ADAMTS13: variants seen among roughly 807,000 people sequenced by gnomAD.
ADAMTS13 encodes A disintegrin and metalloproteinase with thrombospondin motifs 13.
In ADAMTS13, 110 loss-of-function variants were observed where a neutral mutation model predicts 155.1. The ratio of observed to expected loss-of-function variants is 0.71; its 90% CI spans 0.61 to 0.83. The LOEUF (loss-of-function observed/expected upper bound fraction) is 0.83. Among genes scored for constraint, ADAMTS13 ranks in the 40% least tolerant of loss-of-function variants. The pLI, the probability that ADAMTS13 is intolerant of heterozygous loss-of-function variation, is 0.00. For missense variants in ADAMTS13, 1,707 were observed against 1,891.7 expected (o/e 0.90, Z 1.81); for synonymous variants, 758 against 756.4 (o/e 1.00, Z -0.03).
intron 11 of ADAMTS13, among the ~76,000 whole-genome samples, chr9:133,436,220 G>T (rs1376503804): frequency 6.6e-6 from 1 of 151,912 alleles, no homozygotes; most frequent in Non-Finnish European, 1.5e-5. Context: ...GGCCCTGGGT[G>T]TGGGTTTGTC....
At position 133,448,642 on chromosome 9, in the gene ADAMTS13, G is replaced by T; in HGVS notation, c.2775G>T (p.Arg925Ser). 1 of 1,609,812 alleles carries T rather than the reference G, an allele frequency of 6.2e-7. No individual in the cohort carries two copies. Among genetic ancestry groups the T allele is most frequent in the Non-Finnish European group, 8.5e-7 (1 of 1,179,980 alleles). ...TCCTGTGCATGGACTCTGCCCTCAG[G>T]GTGCCTGTCCAGGAAGAGCTGTGTG... ...LRFLCMDSAL[R>S]VPVQEELCGL... Residue 925 changes from arginine (R) to serine (S), a missense_variant, in exon 22 of 29, where the codon AGG becomes AGT. Physicochemically the swap from Arg to Ser is moderately radical, Grantham distance 110. This residue lies in a region of ADAMTS13 where 961 missense variants were observed against 1,107.9 expected (regional missense o/e 0.87). Transcript: ENST00000355699.
Position 133,425,386 on chromosome 9 carries a change from C to CT in ADAMTS13, c.331-143_331-142insT. 3 of 676,514 alleles carry CT rather than the reference C, an allele frequency of 4.4e-6. No homozygotes were observed. The South Asian group carries it at 5.4e-5, about 12-fold the overall frequency. The allele number at this position is 676,514 out of a possible 1,614,324, so 41.9% of individuals were successfully genotyped here. On this transcript the variant is annotated intron_variant, in intron 3 of 28. Transcript: ENST00000355699. This position sits in a 1 kb window ranked among gnomAD's most constrained non-coding sequence, Gnocchi z 4.6. ...TGACTGTGCAGCACATTTTAGGAGC[C>CT]CCCCGCCCCGCCCGGTTCCCACACA...
rs148715397 is a variant in ADAMTS13, at chr9:133,455,440, G to A, written c.3400+5G>A. ...CTGGGCCCTGTGTGGGACAGGGTAC[G>A]CCCAGCCTGGTGCCCCACGAAGAAG... On this transcript the variant is annotated splice_donor_5th_base_variant and intron_variant, in intron 25 of 28. Coordinates refer to ENST00000355699, the MANE Select transcript of ADAMTS13 (RefSeq NM_139027.6). 14 of 1,612,314 alleles carry A rather than the reference G, an allele frequency of 8.7e-6. No homozygotes were observed. Among genetic ancestry groups the A allele is most frequent in the South Asian group, 5.5e-5 (5 of 91,090 alleles).
intron 27 of ADAMTS13, among the ~76,000 whole-genome samples, chr9:133,457,303 C>T (rs1771919386): frequency 6.6e-6 from 1 of 152,228 alleles, no homozygotes; most frequent in African/African-American, 2.4e-5. Context: ...TCGGCTCCCC[C>T]AGGTGTCTGG....
intron 11 of ADAMTS13, among the ~76,000 whole-genome samples, chr9:133,436,400 C>T (rs1295355530): frequency 6.6e-6 from 1 of 151,812 alleles, no homozygotes; most frequent in Non-Finnish European, 1.5e-5. Context: ...GAGTCAACTC[C>T]GGTTATCTTC....
upstream of ADAMTS13, among the ~76,000 whole-genome samples, chr9:133,419,799 C>T (rs961121622): frequency 1.4e-4 from 21 of 152,100 alleles, no homozygotes; most frequent in South Asian, 8.3e-4. Context: ...AGTGCAGTGG[C>T]GTGATATCGG....
upstream of ADAMTS13, chr9:133,417,996 G>C (rs1554782150): frequency 1.5e-6 from 1 of 685,094 alleles, no homozygotes; most frequent in East Asian, 2.7e-5. Context: ...AAGAGACCCC[G>C]CACGCGTTGC....
In ADAMTS13 at chr9:133,449,882, G is replaced by A. The variant is rs1554793874; in HGVS notation, c.2961G>A (p.Glu987=). The A allele has an allele frequency of 6.2e-7, 1 of 1,613,994 alleles. No individual in the cohort carries two copies. The highest frequency in any genetic ancestry group is 1.7e-5 in the Admixed American group (1 of 60,032). The change falls in exon 23 of 29, where the codon GAG becomes GAA. Residue 987 remains glutamate, a synonymous_variant. Transcript: ENST00000355699. The part of the protein sequence containing the change: ...CARAHGEDDG[E]EILLDTQCQG... ...GGGCCCATGGGGAGGACGATGGTGA[G>A]GAGATCCTGTTGGACACCCAGTGCC...
chr9:133,422,168 G>A (rs1032145947), upstream of ADAMTS13: 7 of 546,262 alleles, frequency 1.3e-5, no homozygotes, highest in African/African-American at 9.5e-5. Context: ...GGGGGTGGGC[G>A]TGCACATCCG....
In ADAMTS13 at chr9:133,441,698, G is replaced by A. The variant is rs782302400; in HGVS notation, c.1969-701G>A. ...GCTGAAGTTCTTCCTAGTGCTCTCC[G>A]GGCCAGTCCCAAGCCAGTAGCTGGC... On this transcript the variant is annotated intron_variant, in intron 16 of 28. Transcript: ENST00000355699. This position sits in a 1 kb window ranked among gnomAD's most constrained non-coding sequence, Gnocchi z 5.0. 3.3e-5 allele frequency among the ~76,000 whole-genome samples: 5 copies of A among 152,260 alleles called. No individual in the cohort carries two copies. Among genetic ancestry groups the A allele is most frequent in the East Asian group, 1.9e-4 (1 of 5,182 alleles).
chr9:133,422,476 T>TCC lies in ADAMTS13; in HGVS notation c.36_37dup (p.Leu13ProfsTer39), dbSNP rs782769020. On this transcript the variant is annotated frameshift_variant, in exon 1 of 29. Transcript: ENST00000355699. LOFTEE classifies it high-confidence loss of function. Reference sequence around the variant, plus strand: ...AGCGTCACCCCCGGGCAAGATGCCCTCCCCTCTGTGTGGCCGGAATCCTTG... The same window carrying TCC: ...AGCGTCACCCCCGGGCAAGATGCCCTCCCCCCTCTGTGTGGCCGGAATCCTTG... 1 of 1,614,062 alleles carries TCC rather than the reference T, an allele frequency of 6.2e-7. No homozygotes were observed. Among genetic ancestry groups the TCC allele is most frequent in the South Asian group, 1.1e-5 (1 of 91,082 alleles).
At chr9:133,457,096 G>A in intron 27 of ADAMTS13, 1 of 373,086 alleles carries the variant, frequency 2.7e-6, no homozygotes, top group South Asian at 2.1e-5. Flanking sequence ...GTGCACTGGT[G>A]TAAGCAGACA....
At chr9:133,433,726 G>A (rs1554788249) in intron 11 of ADAMTS13, 22 bp downstream of exon 11, 1 of 1,611,292 alleles carries the variant, frequency 6.2e-7, no homozygotes, top group Non-Finnish European at 8.5e-7. Flanking sequence ...TCCTGGGGTA[G>A]GAGGGGGCAG....
intron 14 of ADAMTS13, 137 bp downstream of exon 14, chr9:133,438,503 C>A: frequency 1.5e-6 from 2 of 1,340,566 alleles, no homozygotes; most frequent in East Asian, 2.5e-5. Context: ...CCTGTGGTGT[C>A]AGCGTCTCCC....
chr9:133,427,031 A>G (rs961487377), intron 6 of ADAMTS13, among the ~76,000 whole-genome samples: 2 of 152,136 alleles, frequency 1.3e-5, no homozygotes, highest in African/African-American at 4.8e-5. Context: ...TCGAACTCCC[A>G]ACCTCAGGTG....
At chr9:133,449,367 C>T (rs922828269) in intron 22 of ADAMTS13, among the ~76,000 whole-genome samples, 1 of 147,764 alleles carries the variant, frequency 6.8e-6, no homozygotes, top group Non-Finnish European at 1.5e-5. Flanking sequence ...AATAATAGGA[C>T]AGGCGGGGAA....
rs1554796703 is a variant in ADAMTS13 at position 133,458,088 on chromosome 9, C to T, written c.3903C>T (p.Tyr1301=). ...GAGTEGANAS[Y]ILIRDTHSLR... ...GGACCGAGGGAGCCAATGCCAGCTA[C>T]ATCTTGGTGAGGCCCAGCATGGGGA... The change falls in exon 28 of 29, where the codon TAC becomes TAT. Residue 1301 remains tyrosine (Y), a synonymous_variant. Coordinates refer to ENST00000355699, the MANE Select transcript of ADAMTS13 (RefSeq NM_139027.6). The T allele has an allele frequency of 4.3e-6, 7 of 1,613,332 alleles. No homozygotes were observed. Among genetic ancestry groups the T allele is most frequent in the Non-Finnish European group, 5.9e-6 (7 of 1,179,984 alleles).
intron 23 of ADAMTS13, among the ~76,000 whole-genome samples, chr9:133,450,760 CAACAA>C (rs1307031603): frequency 1.3e-5 from 2 of 151,956 alleles, no homozygotes; most frequent in Non-Finnish European, 2.9e-5. Context: ...AAAAACAAAA[CAACAA>C]AACAAAACAA....
In ADAMTS13 at chr9:133,445,831, CG is replaced by C; in HGVS notation, c.2731+15del. Reference sequence around the variant, plus strand: ...CTCCTGCGGGCGAGGTGAGGGCCCCCGGGATGCTCCTGGGGACCAGCACTCA... The same window carrying C: ...CTCCTGCGGGCGAGGTGAGGGCCCCCGGATGCTCCTGGGGACCAGCACTCA... On this transcript the variant is annotated intron_variant, in intron 21 of 28. Transcript: ENST00000355699. This position sits in a 1 kb window ranked among gnomAD's most constrained non-coding sequence, Gnocchi z 5.0. 6.4e-7 allele frequency: 1 copy of C among 1,566,620 alleles called. No individual in the cohort carries two copies. Among genetic ancestry groups the C allele is most frequent in the South Asian group, 1.2e-5 (1 of 85,632 alleles).
Sources: allele counts gnomAD v4.1 joint callset (sites outside exome capture counted in the v4.1 genomes callset), GRCh38; gene constraint gnomAD v4.1.1; regional missense constraint gnomAD v4.1.1; non-coding constraint Gnocchi (gnomAD v3.1); transcripts MANE v1.5; gene names NCBI Gene and HGNC (gene_info 2026-07-23, HGNC 2026-07-21).